The following FAM229A variants were observed in gnomAD, a reference collection of about 807,000 sequenced individuals.
FAM229A encodes the protein protein FAM229A.
FAM229A carries 9 observed loss-of-function variants against 10.0 expected under a neutral mutation model. That is an observed-to-expected ratio of 0.90 (90% CI 0.54 to 1.56). FAM229A has a LOEUF of 1.56. Among genes scored for constraint, FAM229A ranks in the 40% most tolerant of loss-of-function variants. FAM229A has a pLI of 0.00. For synonymous variants in FAM229A, 93 were observed against 90.1 expected (o/e 1.03, Z -0.19); for missense variants, 196 against 197.6 (o/e 0.99, Z 0.05).
chr1:32,362,275 G>A lies in FAM229A; in HGVS notation c.-184C>T, dbSNP rs896505998. 6.9e-6 allele frequency: 6 copies of A among 867,206 alleles called. No individual in the cohort carries two copies. Among genetic ancestry groups the A allele is most frequent in the Non-Finnish European group, 7.8e-6 (5 of 641,906 alleles). The allele number at this position is 867,206 out of a possible 1,614,324, so 53.7% of individuals were successfully genotyped here. A position where few individuals can be genotyped will look rare whatever the true frequency, so the allele number is the denominator to read the frequency against. On this transcript the variant is annotated 5_prime_UTR_variant, in exon 1 of 3. Transcript: ENST00000432622. Reference sequence around the variant, plus strand: ...CGGACACCCGAGGGGGGCGCAGCAGGCCAGGGCAACCCGCCGCGAGGCGGC... The same window carrying A: ...CGGACACCCGAGGGGGGCGCAGCAGACCAGGGCAACCCGCCGCGAGGCGGC...
chr1:32,362,156 G>T lies in FAM229A; in HGVS notation c.-65C>A, dbSNP rs187403580. 2,112 of 1,304,442 alleles carry T rather than the reference G, an allele frequency of 1.6e-3. No homozygotes were observed. Among genetic ancestry groups the T allele is most frequent in the Non-Finnish European group, 1.9e-3 (1,995 of 1,027,796 alleles). The allele number at this position is 1,304,442 out of a possible 1,614,324, so 80.8% of individuals were successfully genotyped here. ...TTCCTCCCACTGGAGAACCCCCAAC[G>T]GTGCCCCCTGCCGCCCCTGGCACTC... On this transcript the variant is annotated 5_prime_UTR_variant, in exon 1 of 3. Coordinates refer to ENST00000432622, the MANE Select transcript of FAM229A (RefSeq NM_001167676.2).
Position 32,362,246 on chromosome 1 carries a change from A to G in FAM229A, c.-155T>C. The G allele has an allele frequency of 1.9e-6, 2 of 1,070,800 alleles. No individual in the cohort carries two copies. Among genetic ancestry groups the G allele is most frequent in the Non-Finnish European group, 2.4e-6 (2 of 829,218 alleles). 66.3% of individuals were successfully genotyped at this position (1,070,800 alleles called of 1,614,324 possible). A position where few individuals can be genotyped will look rare whatever the true frequency, so the allele number is the denominator to read the frequency against. On this transcript the variant is annotated 5_prime_UTR_variant, in exon 1 of 3. Coordinates refer to ENST00000432622, the MANE Select transcript of FAM229A (RefSeq NM_001167676.2). ...GGCGCCTGGAGACGGGGTCGCGCAG[A>G]CCCCGGACACCCGAGGGGGGCGCAG...
Position 32,362,228 on chromosome 1 carries a change from G to A in FAM229A, c.-137C>T, listed in dbSNP as rs1641715827. 8.4e-7 allele frequency: 1 copy of A among 1,194,338 alleles called. No homozygotes were observed. The highest frequency in any genetic ancestry group is 3.1e-4 in the Middle Eastern group (1 of 3,208). The allele number at this position is 1,194,338 out of a possible 1,614,324, so 74.0% of individuals were successfully genotyped here. A position where few individuals can be genotyped will look rare whatever the true frequency, so the allele number is the denominator to read the frequency against. On this transcript the variant is annotated 5_prime_UTR_variant, in exon 1 of 3. Transcript: ENST00000432622. ...CTGGAGGCCTCTGGCCATGGCGCCT[G>A]GAGACGGGGTCGCGCAGACCCCGGA...
rs1273480221 is a variant in FAM229A at position 32,361,553 on chromosome 1, C to T, written c.282-18G>A. 1 of 1,326,142 alleles carries T rather than the reference C, an allele frequency of 7.5e-7. No homozygotes were observed. The highest frequency in any genetic ancestry group is 2.0e-4 in the Middle Eastern group (1 of 5,054). 82.1% of individuals were successfully genotyped at this position (1,326,142 alleles called of 1,614,324 possible). On this transcript the variant is annotated intron_variant, in intron 2 of 2. Transcript: ENST00000432622. ...GAAGCGGCCTGGGGAAATTGACGCG[C>T]GACAGGGGCCGCTGAGGCAGGGGCT...
intron 2 of FAM229A, 52 bp from the exon 3 acceptor site, chr1:32,361,587 C>T: frequency 7.8e-7 from 1 of 1,280,602 alleles, no homozygotes; most frequent in Non-Finnish European, 9.9e-7. Flanking sequence ...CTTGGCCCAT[C>T]CTGTGGGGCG....
At chr1:32,361,709 G>C in intron 2 of FAM229A, 21 bp downstream of exon 2, 2 of 1,297,444 alleles carry the variant, frequency 1.5e-6, no homozygotes, top group African/African-American at 3.1e-5. Flanking sequence ...GGCGGAGGCG[G>C]GGGTGGGGCG....
In FAM229A at chr1:32,361,790, G is replaced by A. The variant is rs1419466073; in HGVS notation, c.221C>T (p.Ala74Val). The A allele has an allele frequency of 7.6e-7, 1 of 1,322,286 alleles. No homozygotes were observed. 81.9% of individuals were successfully genotyped at this position (1,322,286 alleles called of 1,614,324 possible). A position where few individuals can be genotyped will look rare whatever the true frequency, so the allele number is the denominator to read the frequency against. Residue 74 changes from alanine (A) to valine (V), a missense_variant, in exon 2 of 3, where the codon GCC becomes GTC. Physicochemically the swap from Ala to Val is moderately conservative, Grantham distance 64. Coordinates refer to ENST00000432622, the MANE Select transcript of FAM229A (RefSeq NM_001167676.2). ...GCTGTCCTGGGACTCGGGGGCGGCGGCAAGGCCACGGGAGTCTCCGGCCTC... is the reference window on the plus strand; with the variant it reads ...GCTGTCCTGGGACTCGGGGGCGGCGACAAGGCCACGGGAGTCTCCGGCCTC... ...PIEAGDSRGLAAAPESQDSPE... is the reference protein window; with the variant it reads ...PIEAGDSRGLVAAPESQDSPE...
Position 32,361,350 on chromosome 1 carries a change from C to T in FAM229A, c.*83G>A, listed in dbSNP as rs948388551. Reference sequence around the variant, plus strand: ...AAAATGTGCATCATTGTCTCGTGCTCGGCGCATGCGACCTCAGCGTGGTGG... The same window carrying T: ...AAAATGTGCATCATTGTCTCGTGCTTGGCGCATGCGACCTCAGCGTGGTGG... On this transcript the variant is annotated 3_prime_UTR_variant, in exon 3 of 3. Transcript: ENST00000432622. 5 of 598,642 alleles carry T rather than the reference C, an allele frequency of 8.4e-6. No homozygotes were observed. The highest frequency in any genetic ancestry group is 1.9e-5 in the African/African-American group (1 of 51,804). 37.1% of individuals were successfully genotyped at this position (598,642 alleles called of 1,614,324 possible).
rs1641711757 is a variant in FAM229A at position 32,362,039 on chromosome 1, GCCGGGCAGGTCTCTGTGGCGTGC to G, written c.30_52del (p.His11SerfsTer18). The G allele has an allele frequency of 6.8e-7, 1 of 1,478,692 alleles. No homozygotes were observed. The highest frequency in any genetic ancestry group is 2.3e-5 in the Admixed American group (1 of 43,608). The allele number at this position is 1,478,692 out of a possible 1,614,324, so 91.6% of individuals were successfully genotyped here. The stretch of plus-strand genomic sequence containing the variant: ...GGGAGAACGCTCCGGTCCAGGCGGA[GCCGGGCAGGTCTCTGTGGCGTGC>G]CCGGGCCCGGGCGTCGAGGAGGGCA... On this transcript the variant is annotated frameshift_variant, in exon 1 of 3. Coordinates refer to ENST00000432622, the MANE Select transcript of FAM229A (RefSeq NM_001167676.2). LOFTEE classifies it high-confidence loss of function.
rs1641705394 is a variant in FAM229A, at chr1:32,361,730, C to T, written c.281G>A (p.Arg94Lys). The T allele has an allele frequency of 2.3e-6, 3 of 1,312,388 alleles. No individual in the cohort carries two copies. The highest frequency in any genetic ancestry group is 1.9e-6 in the Non-Finnish European group (2 of 1,032,302). The allele number at this position is 1,312,388 out of a possible 1,614,324, so 81.3% of individuals were successfully genotyped here. Residue 94 changes from arginine to lysine, a missense_variant and splice_region_variant, in exon 2 of 3, where the codon AGG (arginine) becomes AAG (lysine). By Grantham distance (26) the Arg-to-Lys change is conservative. Coordinates refer to ENST00000432622, the MANE Select transcript of FAM229A (RefSeq NM_001167676.2). ...EAVATEHNPV[R>K]PLRRCPGCHC... ...GGCGGGGGTGGGGCGCGGGCCTTAC[C>T]TGACCGGGTTGTGCTCCGTCGCTAC...
chr1:32,362,170 C>A lies in FAM229A; in HGVS notation c.-79G>T. On this transcript the variant is annotated 5_prime_UTR_variant, in exon 1 of 3. Coordinates refer to ENST00000432622, the MANE Select transcript of FAM229A (RefSeq NM_001167676.2). ...GAACCCCCAACGGTGCCCCCTGCCG[C>A]CCCTGGCACTCAGCGCGGGCCAGAA... is the stretch of plus-strand genomic sequence containing the variant. 7.7e-7 allele frequency: 1 copy of A among 1,294,350 alleles called. No homozygotes were observed. Among genetic ancestry groups the A allele is most frequent in the African/African-American group, 1.5e-5 (1 of 64,718 alleles). 80.2% of individuals were successfully genotyped at this position (1,294,350 alleles called of 1,614,324 possible).
chr1:32,361,808 C>T lies in FAM229A; in HGVS notation c.203G>A (p.Gly68Glu). ...GGCGGCGGCAAGGCCACGGGAGTCT[C>T]CGGCCTCAATGGGGAATCTCCGACC... is the stretch of plus-strand genomic sequence containing the variant. ...PQGRRFPIEA[G>E]DSRGLAAAPE... is the part of the protein sequence containing the mutation. Residue 68 changes from glycine (G) to glutamate (E), a missense_variant, in exon 2 of 3, where the codon GGA (glycine) becomes GAA (glutamate). By Grantham distance (98) the Gly-to-Glu change is moderately conservative. Coordinates refer to ENST00000432622, the MANE Select transcript of FAM229A (RefSeq NM_001167676.2). The T allele has an allele frequency of 7.5e-7, 1 of 1,329,760 alleles. No homozygotes were observed. Among genetic ancestry groups the T allele is most frequent in the Non-Finnish European group, 9.6e-7 (1 of 1,043,196 alleles). The allele number at this position is 1,329,760 out of a possible 1,614,324, so 82.4% of individuals were successfully genotyped here. A position where few individuals can be genotyped will look rare whatever the true frequency, so the allele number is the denominator to read the frequency against.
In FAM229A at chr1:32,362,342, C is replaced by A; in HGVS notation, c.-251G>T. ...CGCGCATTCCCGGTCCACACAGACG[C>A]GGCGGAGCGCCCTCCCAGGCGGGAC... On this transcript the variant is annotated 5_prime_UTR_variant, in exon 1 of 3. Transcript: ENST00000432622. The A allele has an allele frequency of 2.0e-6, 1 of 489,802 alleles. No homozygotes were observed. Among genetic ancestry groups the A allele is most frequent in the Non-Finnish European group, 3.4e-6 (1 of 293,642 alleles). The allele number at this position is 489,802 out of a possible 1,614,324, so 30.3% of individuals were successfully genotyped here.
rs569656275 is a variant in FAM229A, at chr1:32,362,349, G to C, written c.-258C>G. 81 of 485,218 alleles carry C rather than the reference G, an allele frequency of 1.7e-4. No individual in the cohort carries two copies. Among genetic ancestry groups the C allele is most frequent in the Non-Finnish European group, 2.7e-4 (78 of 289,156 alleles). 30.1% of individuals were successfully genotyped at this position (485,218 alleles called of 1,614,324 possible). The stretch of plus-strand genomic sequence containing the variant: ...TCCCGGTCCACACAGACGCGGCGGA[G>C]CGCCCTCCCAGGCGGGACTACAACT... On this transcript the variant is annotated 5_prime_UTR_variant, in exon 1 of 3. Coordinates refer to ENST00000432622, the MANE Select transcript of FAM229A (RefSeq NM_001167676.2).
chr1:32,361,809 C>A lies in FAM229A; in HGVS notation c.202G>T (p.Gly68Ter). Reference sequence around the variant, plus strand: ...GCGGCGGCAAGGCCACGGGAGTCTCCGGCCTCAATGGGGAATCTCCGACCC... The same window carrying A: ...GCGGCGGCAAGGCCACGGGAGTCTCAGGCCTCAATGGGGAATCTCCGACCC... The part of the protein sequence containing the change: ...PQGRRFPIEA[G>*]DSRGLAAAPE... The change falls in exon 2 of 3, where the codon GGA becomes TGA. Residue 68 changes from glycine to a stop codon, truncating the protein, a stop_gained. Transcript: ENST00000432622. LOFTEE classifies it high-confidence loss of function. 7.5e-7 allele frequency: 1 copy of A among 1,329,210 alleles called. No individual in the cohort carries two copies. The highest frequency in any genetic ancestry group is 2.0e-4 in the Middle Eastern group (1 of 4,992). The allele number at this position is 1,329,210 out of a possible 1,614,324, so 82.3% of individuals were successfully genotyped here.
Position 32,362,224 on chromosome 1 carries a change from G to A in FAM229A, c.-133C>T. On this transcript the variant is annotated 5_prime_UTR_variant, in exon 1 of 3. Coordinates refer to ENST00000432622, the MANE Select transcript of FAM229A (RefSeq NM_001167676.2). ...GGGACTGGAGGCCTCTGGCCATGGC[G>A]CCTGGAGACGGGGTCGCGCAGACCC... 2 of 1,200,182 alleles carry A rather than the reference G, an allele frequency of 1.7e-6. No individual in the cohort carries two copies. Among genetic ancestry groups the A allele is most frequent in the South Asian group, 3.0e-5 (1 of 33,470 alleles). 74.3% of individuals were successfully genotyped at this position (1,200,182 alleles called of 1,614,324 possible).
rs1330858402 is a variant in FAM229A, at chr1:32,361,795, G to T, written c.216C>A (p.Gly72=). ...CCTGGGACTCGGGGGCGGCGGCAAG[G>T]CCACGGGAGTCTCCGGCCTCAATGG... ...RFPIEAGDSR[G]LAAAPESQDS... is the part of the protein sequence containing the mutation. The change falls in exon 2 of 3, where the codon GGC becomes GGA. Residue 72 remains glycine (G), a synonymous_variant. Transcript: ENST00000432622. 1.3e-5 allele frequency: 17 copies of T among 1,327,450 alleles called. No homozygotes were observed. Among genetic ancestry groups the T allele is most frequent in the Non-Finnish European group, 1.6e-5 (17 of 1,041,624 alleles). The allele number at this position is 1,327,450 out of a possible 1,614,324, so 82.2% of individuals were successfully genotyped here. A position where few individuals can be genotyped will look rare whatever the true frequency, so the allele number is the denominator to read the frequency against.
At position 32,362,076 on chromosome 1, in the gene FAM229A, T is replaced by TA; in HGVS notation, c.15_16insT (p.Thr6TyrfsTer31). On this transcript the variant is annotated frameshift_variant, in exon 1 of 3. Transcript: ENST00000432622. LOFTEE classifies it high-confidence loss of function. ...TCTGTGGCGTGCCCGGGCCCGGGCG[T>TA]CGAGGAGGGCAGCATTGTGACCCGG... 7.0e-7 allele frequency: 1 copy of TA among 1,420,784 alleles called. No individual in the cohort carries two copies. The highest frequency in any genetic ancestry group is 9.2e-7 in the Non-Finnish European group (1 of 1,090,880). The allele number at this position is 1,420,784 out of a possible 1,614,324, so 88.0% of individuals were successfully genotyped here.
At position 32,361,883 on chromosome 1, in the gene FAM229A, G is replaced by T; in HGVS notation, c.135-7C>A. 7.4e-7 allele frequency: 1 copy of T among 1,345,152 alleles called. No homozygotes were observed. Among genetic ancestry groups the T allele is most frequent in the Non-Finnish European group, 9.5e-7 (1 of 1,052,912 alleles). The allele number at this position is 1,345,152 out of a possible 1,614,324, so 83.3% of individuals were successfully genotyped here. A position where few individuals can be genotyped will look rare whatever the true frequency, so the allele number is the denominator to read the frequency against. ...GTCCAAGCCCCGGGGCGCTCTGCGC[G>T]GGGAGTGGCGGTCAGGCCTCTCCCG... On this transcript the variant is annotated splice_region_variant and splice_polypyrimidine_tract_variant and intron_variant, in intron 1 of 2. Transcript: ENST00000432622.
Sources: allele counts gnomAD v4.1 joint callset, GRCh38; gene constraint gnomAD v4.1.1; transcripts MANE v1.5; gene names NCBI Gene and HGNC (gene_info 2026-07-23, HGNC 2026-07-21).